Variants in DTWD2 observed in about 807,000 individuals in gnomAD.
DTWD2 encodes tRNA-uridine aminocarboxypropyltransferase 2.
A neutral mutation model predicts 31.8 loss-of-function variants in DTWD2; 39 were observed. The observed-to-expected ratio is 1.22, with a 90% CI of 0.95 to 1.60. DTWD2 has a LOEUF of 1.60. Among genes scored for constraint, DTWD2 ranks in the 40% most tolerant of loss-of-function variants. The pLI is 0.00. For missense variants in DTWD2, 515 were observed against 381.5 expected (o/e 1.35, Z -2.92); for synonymous variants, 180 against 142.8 (o/e 1.26, Z -1.86).
rs188177572 is a variant in DTWD2 at position 118,974,383 on chromosome 5, T to G, written c.218+13911A>C. On this transcript the variant is annotated intron_variant, in intron 1 of 5. Transcript: ENST00000510708. ...CTTAAAAGTACTTTAAAAAGGAAATTTGTTTGTATTTTTTATTTACATTTT... is the reference window on the plus strand; with the variant it reads ...CTTAAAAGTACTTTAAAAAGGAAATGTGTTTGTATTTTTTATTTACATTTT... Among the ~76,000 whole-genome samples, 753 of 152,240 alleles carry G rather than the reference T, an allele frequency of 4.9e-3. 10 individuals are homozygous for G. Among genetic ancestry groups the G allele is most frequent in the South Asian group, 0.034 (166 of 4,822 alleles).
intron 4 of DTWD2, among the ~76,000 whole-genome samples, chr5:118,894,648 C>T (rs1753042666): frequency 6.6e-6 from 1 of 152,110 alleles, no homozygotes; most frequent in South Asian, 2.1e-4. Flanking sequence ...CAGAATTTAA[C>T]AACACATTAA....
intron 1 of DTWD2, among the ~76,000 whole-genome samples, chr5:118,985,515 T>TATATATATATATATAC (rs1554072614): frequency 3.8e-5 from 5 of 132,064 alleles, no homozygotes; most frequent in Non-Finnish European, 7.8e-5. Flanking sequence ...TATATATATA[T>TATATATATATATATAC]ATACACACAC....
chr5:118,903,749 TA>T (rs908576050), intron 4 of DTWD2, among the ~76,000 whole-genome samples: 2 of 151,018 alleles, frequency 1.3e-5, no homozygotes, highest in African/African-American at 2.4e-5. Flanking sequence ...CCTGGAAATG[TA>T]AAAAAAAAGT....
rs180887449 is a variant in DTWD2, at chr5:118,843,941, G to A, written c.727-2854C>T. Among the ~76,000 whole-genome samples, 27 of 152,266 alleles carry A rather than the reference G, an allele frequency of 1.8e-4. No individual in the cohort carries two copies. The East Asian group carries it at 3.3e-3, about 19-fold the overall frequency. ...AATGAAATGTGAGTACAACTAATAC[G>A]TGTCACCTTAGGGCAGAAGCATTAA... On this transcript the variant is annotated intron_variant, in intron 5 of 5. Coordinates refer to ENST00000510708, the MANE Select transcript of DTWD2 (RefSeq NM_173666.4).
At chr5:118,863,929 T>G in intron 4 of DTWD2, among the ~76,000 whole-genome samples, 1 of 151,848 alleles carries the variant, frequency 6.6e-6, no homozygotes, top group Non-Finnish European at 1.5e-5. Flanking sequence ...GCCAAGGATC[T>G]TACCCTTACA....
At chr5:118,937,122 G>T (rs1242907204) in intron 3 of DTWD2, among the ~76,000 whole-genome samples, 1 of 152,010 alleles carries the variant, frequency 6.6e-6, no homozygotes, top group East Asian at 1.9e-4. Context: ...AATATGACCA[G>T]GTGGGCTTTA....
At chr5:118,875,840 T>A (rs772804763) in intron 4 of DTWD2, among the ~76,000 whole-genome samples, 5 of 152,164 alleles carry the variant, frequency 3.3e-5, no homozygotes, top group Non-Finnish European at 7.4e-5. Flanking sequence ...GGACCTGAAC[T>A]CAGCACTGGA....
Position 118,932,324 on chromosome 5 carries a change from A to T in DTWD2, c.405-3595T>A, listed in dbSNP as rs200172064. On this transcript the variant is annotated intron_variant, in intron 3 of 5. Transcript: ENST00000510708. The stretch of plus-strand genomic sequence containing the variant: ...AGACTCTGTCTTGACAAAAAAATTT[A>T]AAAAAAAAAAAAAAAAGCTAGAGAA... Among the ~76,000 whole-genome samples, 23 of 137,636 alleles carry T rather than the reference A, an allele frequency of 1.7e-4. No homozygotes were observed. The East Asian group carries it at 2.5e-3, about 15-fold the overall frequency. The allele number at this position is 137,636 out of a possible 152,430, so 90.3% of individuals were successfully genotyped here.
At chr5:118,891,629 A>C (rs1752979371) in intron 4 of DTWD2, among the ~76,000 whole-genome samples, 1 of 152,250 alleles carries the variant, frequency 6.6e-6, no homozygotes, top group Admixed American at 6.5e-5. Context: ...GCTCACTAGA[A>C]GTTACAGTAA....
intron 1 of DTWD2, among the ~76,000 whole-genome samples, chr5:118,960,797 A>G (rs1174123495): frequency 1.3e-5 from 2 of 152,210 alleles, no homozygotes; most frequent in Non-Finnish European, 2.9e-5. Context: ...GCTGGAGGCC[A>G]TTATCCTAAG....
intron 4 of DTWD2, among the ~76,000 whole-genome samples, chr5:118,868,401 A>C (rs113295157): frequency 5.5e-4 from 84 of 152,294 alleles, no homozygotes; most frequent in African/African-American, 1.8e-3. Flanking sequence ...ACAACAACAA[A>C]AAAATAGATA....
At chr5:118,898,146 T>A (rs1753122390) in intron 4 of DTWD2, among the ~76,000 whole-genome samples, 1 of 152,196 alleles carries the variant, frequency 6.6e-6, no homozygotes, top group African/African-American at 2.4e-5. Context: ...ATTATAGGCA[T>A]GAGCCACCAT....
intron 4 of DTWD2, among the ~76,000 whole-genome samples, chr5:118,874,218 A>C (rs1001639080): frequency 6.6e-6 from 1 of 152,200 alleles, no homozygotes; most frequent in South Asian, 2.1e-4. Context: ...GAGCAATCTC[A>C]AAGACTGAAT....
intron 4 of DTWD2, among the ~76,000 whole-genome samples, chr5:118,908,536 G>C (rs1483040024): frequency 1.3e-5 from 2 of 151,878 alleles, no homozygotes; most frequent in African/African-American, 2.4e-5. Context: ...GTCTTATATA[G>C]CCTAGAATAA....
At chr5:118,966,942 A>G (rs765091563) in intron 1 of DTWD2, among the ~76,000 whole-genome samples, 10 of 151,912 alleles carry the variant, frequency 6.6e-5, no homozygotes, top group Non-Finnish European at 1.3e-4. Flanking sequence ...AAAGCAGGAG[A>G]ATCTCTTGAA....
chr5:118,865,660 T>C (rs1752365462), intron 4 of DTWD2, among the ~76,000 whole-genome samples: 1 of 152,108 alleles, frequency 6.6e-6, no homozygotes, highest in Non-Finnish European at 1.5e-5. Flanking sequence ...CAAGGAAAAA[T>C]TATGCTCCCT....
intron 4 of DTWD2, among the ~76,000 whole-genome samples, chr5:118,913,625 T>A (rs1178686368): frequency 6.6e-6 from 1 of 151,936 alleles, no homozygotes; most frequent in Non-Finnish European, 1.5e-5. Context: ...GAAATCTTTG[T>A]ATCTTCCTGA....
intron 4 of DTWD2, among the ~76,000 whole-genome samples, chr5:118,852,866 T>C (rs1188905559): frequency 1.3e-5 from 2 of 152,306 alleles, no homozygotes; most frequent in South Asian, 2.1e-4. Flanking sequence ...ATATACATCA[T>C]GGAACACTAT....
intron 4 of DTWD2, among the ~76,000 whole-genome samples, chr5:118,849,086 G>A (rs903827508): frequency 3.3e-5 from 5 of 152,116 alleles, no homozygotes; most frequent in African/African-American, 1.2e-4. Context: ...GAGTGAACAG[G>A]CAACCTACAG....
Sources: gnomAD v4.1 joint callset for allele counts (sites outside exome capture counted in the v4.1 genomes callset) on GRCh38, gnomAD v4.1.1 for gene constraint, MANE v1.5 for transcripts, NCBI Gene and HGNC (gene_info 2026-07-23, HGNC 2026-07-21) for gene names.